The following USP31 variants were observed in gnomAD, a reference collection of about 807,000 sequenced individuals.
USP31 encodes ubiquitin specific peptidase 31.
In USP31, 44 loss-of-function variants were observed where a neutral mutation model predicts 119.4. The observed-to-expected ratio is 0.37, with a 90% CI of 0.29 to 0.47. The LOEUF is 0.47. Ranked by LOEUF, USP31 falls within the 20% of genes least tolerant of loss-of-function variation. The probability of loss-of-function intolerance (pLI) is 0.99; values close to 1 mark genes in which losing one functional copy is unlikely to be tolerated. For synonymous variants in USP31, 749 were observed against 705.6 expected (o/e 1.06, Z -0.97); for missense variants, 1,643 against 1,730.2 (o/e 0.95, Z 0.89).
Position 23,069,208 on chromosome 16 carries a change from T to C in USP31, c.2897A>G (p.Gln966Arg). The C allele has an allele frequency of 6.2e-7, 1 of 1,614,246 alleles. No individual in the cohort carries two copies. The highest frequency in any genetic ancestry group is 8.5e-7 in the Non-Finnish European group (1 of 1,180,044). The change falls in exon 16 of 16, where the codon CAG (glutamine) becomes CGG (arginine). Residue 966 changes from glutamine (Q) to arginine (R), a missense_variant. Physicochemically the swap from Gln to Arg is conservative, Grantham distance 43. Coordinates refer to ENST00000219689, the MANE Select transcript of USP31 (RefSeq NM_020718.4). ...RRLNSSVVDT[Q>R]SKHSAQGDRL... Reference sequence around the variant, plus strand: ...GTCCCCTTGTGCTGAATGTTTGCTCTGTGTATCTACGACACTGGAGTTCAA... The same window carrying C: ...GTCCCCTTGTGCTGAATGTTTGCTCCGTGTATCTACGACACTGGAGTTCAA...
chr16:23,081,911 C>A (rs1364293958), intron 12 of USP31, among the ~76,000 whole-genome samples: 1 of 152,242 alleles, frequency 6.6e-6, no homozygotes, highest in Non-Finnish European at 1.5e-5. Flanking sequence ...AGAGCCAGGC[C>A]TTGTGGAGTC....
Position 23,064,602 on chromosome 16 carries a change from G to C in USP31, c.*3444C>G, listed in dbSNP as rs931808697. On this transcript the variant is annotated 3_prime_UTR_variant, in exon 16 of 16. Coordinates refer to ENST00000219689, the MANE Select transcript of USP31 (RefSeq NM_020718.4). ...GTCTCTAAAGATGAAGGGCACTTTTGGTTTCCAGAAGGAACAGACTTGCTC... is the reference window on the plus strand; with the variant it reads ...GTCTCTAAAGATGAAGGGCACTTTTCGTTTCCAGAAGGAACAGACTTGCTC... 9.2e-5 allele frequency: 14 copies of C among 152,256 alleles called. No individual in the cohort carries two copies. The highest frequency in any genetic ancestry group is 3.4e-4 in the African/African-American group (14 of 41,546). 9.4% of individuals were successfully genotyped at this position (152,256 alleles called of 1,614,324 possible).
Position 23,063,062 on chromosome 16 carries a change from C to G in USP31, c.*4984G>C, listed in dbSNP as rs1337585217. ...CATGAATTAGATCAAAAGCTAGGGACTGGGACCCAGGCACTGTATTTTTTA... is the reference window on the plus strand; with the variant it reads ...CATGAATTAGATCAAAAGCTAGGGAGTGGGACCCAGGCACTGTATTTTTTA... On this transcript the variant is annotated 3_prime_UTR_variant, in exon 16 of 16. Transcript: ENST00000219689. 6.6e-6 allele frequency: 1 copy of G among 152,264 alleles called. No homozygotes were observed. The highest frequency in any genetic ancestry group is 1.5e-5 in the Non-Finnish European group (1 of 68,042). 9.4% of individuals were successfully genotyped at this position (152,264 alleles called of 1,614,324 possible).
At chr16:23,127,206 T>C (rs12924877) in intron 1 of USP31, among the ~76,000 whole-genome samples, 34,939 of 151,736 alleles carry the variant, frequency 0.23, 4,797 homozygotes, top group Admixed American at 0.31. Flanking sequence ...GGCAGGATGA[T>C]TGCTTGAGCC....
At position 23,072,915 on chromosome 16, in the gene USP31, C is replaced by A. The variant is rs142320734; in HGVS notation, c.2336-718G>T. On this transcript the variant is annotated intron_variant, in intron 14 of 15. Transcript: ENST00000219689. ...TGGGTGGGCTTGGCCCCCAGCAGGG[C>A]GTCATTCTGCTTGAGAGATGCCTTG... is the stretch of plus-strand genomic sequence containing the variant. 3.0e-3 allele frequency among the ~76,000 whole-genome samples: 460 copies of A among 151,956 alleles called. 2 individuals carry two copies. The highest frequency in any genetic ancestry group is 0.011 in the African/African-American group (442 of 41,450).
At chr16:23,104,297 C>T (rs973927425) in intron 5 of USP31, among the ~76,000 whole-genome samples, 3 of 152,188 alleles carry the variant, frequency 2.0e-5, no homozygotes, top group East Asian at 1.9e-4. Context: ...GTTTTTCTGC[C>T]GGTGAACAAG....
chr16:23,137,233 C>A (rs868128359), intron 1 of USP31, among the ~76,000 whole-genome samples: 35 of 144,588 alleles, frequency 2.4e-4, no homozygotes, highest in African/African-American at 7.9e-4. Context: ...ACAAAAAAAA[C>A]AATGCGATAC....
chr16:23,116,467 T>C (rs1567241483), intron 1 of USP31, among the ~76,000 whole-genome samples: 1 of 152,154 alleles, frequency 6.6e-6, no homozygotes, highest in Non-Finnish European at 1.5e-5. Flanking sequence ...TACAAATAGA[T>C]GAACACTGTA....
intron 1 of USP31, among the ~76,000 whole-genome samples, chr16:23,144,658 T>C: frequency 6.6e-6 from 1 of 152,094 alleles, no homozygotes; most frequent in East Asian, 1.9e-4. Flanking sequence ...TTTTGTATTT[T>C]TTTAGTAGAG....
intron 1 of USP31, among the ~76,000 whole-genome samples, chr16:23,147,144 T>G (rs1903537176): frequency 6.6e-6 from 1 of 152,222 alleles, no homozygotes; most frequent in African/African-American, 2.4e-5. Flanking sequence ...TAGAGTTTCC[T>G]GTTGCCCAGG....
At chr16:23,079,721 T>G (rs1320489122) in intron 13 of USP31, 7 of 466,586 alleles carry the variant, frequency 1.5e-5, no homozygotes, top group Non-Finnish European at 2.6e-5. Context: ...CACATACCAC[T>G]CCCCAATCAG....
At chr16:23,109,089 G>A (rs904797884) in intron 1 of USP31, among the ~76,000 whole-genome samples, 1 of 152,184 alleles carries the variant, frequency 6.6e-6, no homozygotes, top group African/African-American at 2.4e-5. Context: ...TGAATCAGCT[G>A]AAGTTGGTAT....
At position 23,073,910 on chromosome 16, in the gene USP31, G is replaced by C. The variant is rs767034525; in HGVS notation, c.2177-30C>G. The C allele has an allele frequency of 6.8e-6, 11 of 1,612,912 alleles. No individual in the cohort carries two copies. The African/African-American group carries it at 1.1e-4, about 16-fold the overall frequency. On this transcript the variant is annotated intron_variant, in intron 13 of 15. Transcript: ENST00000219689. ...CAAAGAGAGCCCGCCATCAGCACCA[G>C]GGGAGGCTGCACCAGCCACTTCATG...
At chr16:23,116,246 A>G (rs1029364) in intron 1 of USP31, among the ~76,000 whole-genome samples, 40,663 of 149,160 alleles carry the variant, frequency 0.27, 5,742 homozygotes, top group Admixed American at 0.34. Flanking sequence ...GAACTCAGGA[A>G]GACAATAGTA....
chr16:23,149,098 GC>G lies in USP31; in HGVS notation c.172del (p.Ala58HisfsTer8). 1 of 1,273,380 alleles carries G rather than the reference GC, an allele frequency of 7.9e-7. No individual in the cohort carries two copies. The highest frequency in any genetic ancestry group is 1.0e-6 in the Non-Finnish European group (1 of 986,214). 78.9% of individuals were successfully genotyped at this position (1,273,380 alleles called of 1,614,324 possible). On this transcript the variant is annotated frameshift_variant, in exon 1 of 16. Coordinates refer to ENST00000219689, the MANE Select transcript of USP31 (RefSeq NM_020718.4). LOFTEE classifies it high-confidence loss of function. Reference sequence around the variant, plus strand: ...GCTCATGAAGCTGCCCACCGAGCGTGCAGAGGAGGGCGAGGAGGGCGAGGAA... The same window carrying G: ...GCTCATGAAGCTGCCCACCGAGCGTGAGAGGAGGGCGAGGAGGGCGAGGAA... ...APSSPSSPSS[A>X]RSVGSFMSRV...
intron 1 of USP31, among the ~76,000 whole-genome samples, chr16:23,116,790 G>A (rs999210917): frequency 3.3e-5 from 5 of 152,172 alleles, no homozygotes; most frequent in African/African-American, 4.8e-5. Flanking sequence ...CCTGGTGGGA[G>A]AGGAGAAAGA....
In USP31 at chr16:23,143,779, T is replaced by G. The variant is rs979049154; in HGVS notation, c.633+4859A>C. ...GGGCTGTCCTGCACATTGTGTGACA[T>G]TTAGCAGCATCCCTGGAATCTACCA... On this transcript the variant is annotated intron_variant, in intron 1 of 15. Coordinates refer to ENST00000219689, the MANE Select transcript of USP31 (RefSeq NM_020718.4). Among the ~76,000 whole-genome samples, 26 of 152,126 alleles carry G rather than the reference T, an allele frequency of 1.7e-4. 2 individuals carry two copies. The highest frequency in any genetic ancestry group is 1.1e-3 in the Admixed American group (17 of 15,278).
At chr16:23,071,695 G>C (rs1316566030) in intron 15 of USP31, among the ~76,000 whole-genome samples, 1 of 149,922 alleles carries the variant, frequency 6.7e-6, no homozygotes, top group Non-Finnish European at 1.5e-5. Flanking sequence ...CCTGGGCAAA[G>C]CACAATCTCT....
chr16:23,120,841 G>C (rs921791949), intron 1 of USP31, among the ~76,000 whole-genome samples: 1 of 152,152 alleles, frequency 6.6e-6, no homozygotes, highest in African/African-American at 2.4e-5. Context: ...AGGTGGGAAA[G>C]GCAAGGACTA....
Sources: allele counts gnomAD v4.1 joint callset (sites outside exome capture counted in the v4.1 genomes callset), GRCh38; gene constraint gnomAD v4.1.1; transcripts MANE v1.5; gene names NCBI Gene and HGNC (gene_info 2026-07-23, HGNC 2026-07-21).